ARMH3: variants seen among roughly 807,000 people sequenced by gnomAD.
ARMH3 encodes armadillo like helical domain containing 3.
A neutral mutation model predicts 99.1 loss-of-function variants in ARMH3; 60 were observed. The observed-to-expected ratio is 0.61, with a 90% CI of 0.49 to 0.75. The LOEUF (loss-of-function observed/expected upper bound fraction) is 0.75. ARMH3 is among the 30% of genes least tolerant of loss of function. The pLI is 0.00. For synonymous variants in ARMH3, 285 were observed against 292.8 expected, an observed-to-expected ratio of 0.97 and a Z score of 0.27; for missense variants, 679 against 843.1, an observed-to-expected ratio of 0.81 and a Z score of 2.41.
intron 22 of ARMH3, among the ~76,000 whole-genome samples, chr10:101,955,729 G>A (rs1325190262): frequency 2.0e-5 from 3 of 152,200 alleles, no homozygotes; most frequent in Non-Finnish European, 2.9e-5. Context: ...GTTGCCCAGG[G>A]ATGAGGCACA....
Position 101,871,997 on chromosome 10 carries a change from A to AAAAAAAAG in ARMH3, c.1860+17407_1860+17414dup, listed in dbSNP as rs1430130539. 1.2e-3 allele frequency among the ~76,000 whole-genome samples: 188 copies of AAAAAAAAG among 151,926 alleles called. 1 individual carries two copies. Among genetic ancestry groups the AAAAAAAAG allele is most frequent in the African/African-American group, 4.4e-3 (182 of 41,470 alleles). On this transcript the variant is annotated intron_variant, in intron 24 of 25. Transcript: ENST00000370033. ...CTTGGGCGACAGAGTAAGACTCTCA[A>AAAAAAAAG]AAAAAAAGAAAAAAAGAAAGTACAA...
intron 22 of ARMH3, among the ~76,000 whole-genome samples, chr10:101,942,122 G>T (rs1201781129): frequency 6.6e-6 from 1 of 152,026 alleles, no homozygotes; most frequent in Non-Finnish European, 1.5e-5. Flanking sequence ...TCTTTTCTAA[G>T]CTACCAAACT....
In ARMH3 at chr10:102,033,338, G is replaced by C; in HGVS notation, c.104C>G (p.Thr35Arg). The stretch of plus-strand genomic sequence containing the variant: ...AGGACTGCACTTACTGGGGTCCTCT[G>C]TCTGAAACCAGAATATAAGCACATT... ...VVLMYDEIFM[T>R]EDPSKCSPRF... Residue 35 changes from threonine to arginine, a missense_variant and splice_region_variant, in exon 3 of 26, where the codon ACA (threonine) becomes AGA (arginine). Transcript: ENST00000370033. The C allele has an allele frequency of 1.9e-6, 3 of 1,613,830 alleles. No individual in the cohort carries two copies. Among genetic ancestry groups the C allele is most frequent in the Non-Finnish European group, 2.5e-6 (3 of 1,179,954 alleles).
chr10:101,959,996 G>A (rs188088849), intron 20 of ARMH3, among the ~76,000 whole-genome samples: 407 of 152,288 alleles, frequency 2.7e-3, no homozygotes, highest in African/African-American at 9.1e-3. Flanking sequence ...TGGGCAACAC[G>A]GTGAAACCCT....
At chr10:102,006,895 A>C (rs1277810906) in intron 13 of ARMH3, among the ~76,000 whole-genome samples, 4 of 152,108 alleles carry the variant, frequency 2.6e-5, no homozygotes, top group African/African-American at 9.7e-5. Context: ...GGCTGGGCAC[A>C]GTGGATCACA....
intron 22 of ARMH3, among the ~76,000 whole-genome samples, chr10:101,946,827 C>A (rs552279995): frequency 5.3e-5 from 8 of 151,520 alleles, no homozygotes; most frequent in African/African-American, 1.7e-4. Flanking sequence ...ATAGGATGAA[C>A]TCAAAGAAAA....
chr10:101,990,676 G>GA (rs1475705993), intron 18 of ARMH3, 65 bp from the exon 19 acceptor site: 31 of 1,349,762 alleles, frequency 2.3e-5, no homozygotes, highest in Non-Finnish European at 3.2e-5. Context: ...CTTTGAGTTG[G>GA]AAAAAAAGCT....
At chr10:101,921,552 T>C (rs1843305829) in intron 23 of ARMH3, among the ~76,000 whole-genome samples, 1 of 152,162 alleles carries the variant, frequency 6.6e-6, no homozygotes, top group South Asian at 2.1e-4. Flanking sequence ...CTGCAGCTAT[T>C]CACAATAGCA....
chr10:101,918,147 G>A (rs757320143), intron 23 of ARMH3, among the ~76,000 whole-genome samples: 8 of 152,022 alleles, frequency 5.3e-5, no homozygotes, highest in Admixed American at 3.3e-4. Context: ...TGCACCTCCC[G>A]GCTTCAGGCG....
intron 18 of ARMH3, 96 bp downstream of exon 18, chr10:101,991,873 C>A: frequency 8.6e-7 from 1 of 1,157,852 alleles, no homozygotes. Context: ...AATTTATTTG[C>A]GGAAGAAGCA....
intron 5 of ARMH3, among the ~76,000 whole-genome samples, chr10:102,027,506 GGAA>G (rs141876778): frequency 1.4e-3 from 212 of 152,128 alleles, no homozygotes; most frequent in Non-Finnish European, 2.6e-3. Flanking sequence ...GAATGAATGA[GGAA>G]GAAGAGATGC....
Position 101,898,208 on chromosome 10 carries a change from C to T in ARMH3, c.1782-8718G>A, listed in dbSNP as rs549852229. Among the ~76,000 whole-genome samples the T allele has an allele frequency of 2.7e-5, 4 of 150,546 alleles. No individual in the cohort carries two copies. In the East Asian group the frequency reaches 7.8e-4, roughly 29 times the overall value. On this transcript the variant is annotated intron_variant, in intron 23 of 25. Transcript: ENST00000370033. ...AAAAATTTTTTTTTTTTAAAATTAG[C>T]TGGGCATGGTGACATGTGCCTGTTG...
intron 1 of ARMH3, among the ~76,000 whole-genome samples, chr10:102,054,945 G>A (rs1052116493): frequency 5.2e-4 from 79 of 150,686 alleles, no homozygotes; most frequent in African/African-American, 1.8e-3. Context: ...GCAGTGAGCC[G>A]AGATCACGCC....
intron 23 of ARMH3, among the ~76,000 whole-genome samples, chr10:101,896,104 G>A (rs2067826688): frequency 6.6e-6 from 1 of 152,130 alleles, no homozygotes; most frequent in Non-Finnish European, 1.5e-5. Context: ...GGTGGCGTGT[G>A]CCGGTAGTCC....
chr10:102,038,860 C>T (rs910333505), intron 2 of ARMH3, among the ~76,000 whole-genome samples: 10 of 151,944 alleles, frequency 6.6e-5, no homozygotes, highest in African/African-American at 1.9e-4. Flanking sequence ...CCACTTCAGC[C>T]TCCCAAGTAG....
chr10:101,995,303 A>G lies in ARMH3; in HGVS notation c.1203T>C (p.Ile401=). ...GAAGGCTCGTGAGACCTACCTCTGC[A>G]ATACATGTAAGGATAATCAGACAGA... ...GKLCLIILTC[I]AEDQYANAFL... Residue 401 remains isoleucine, a synonymous_variant, in exon 16 of 26, where the codon ATT becomes ATC. Coordinates refer to ENST00000370033, the MANE Select transcript of ARMH3 (RefSeq NM_024541.3). 1 of 1,613,700 alleles carries G rather than the reference A, an allele frequency of 6.2e-7. No homozygotes were observed. Among genetic ancestry groups the G allele is most frequent in the Non-Finnish European group, 8.5e-7 (1 of 1,179,658 alleles).
chr10:102,007,578 T>A (rs1398300463), intron 13 of ARMH3, among the ~76,000 whole-genome samples: 1 of 147,826 alleles, frequency 6.8e-6, no homozygotes, highest in East Asian at 2.0e-4. Flanking sequence ...CCAGCACTTT[T>A]GGGAGGCCGA....
intron 22 of ARMH3, among the ~76,000 whole-genome samples, chr10:101,955,203 G>C (rs1324692593): frequency 1.3e-5 from 2 of 152,152 alleles, no homozygotes; most frequent in Non-Finnish European, 2.9e-5. Flanking sequence ...AAAGAGATGG[G>C]TCTTGATGGG....
chr10:101,973,397 G>T (rs938520414), intron 20 of ARMH3, among the ~76,000 whole-genome samples: 4 of 150,930 alleles, frequency 2.7e-5, no homozygotes, highest in Non-Finnish European at 5.9e-5. Flanking sequence ...ATAATCGCTT[G>T]TTTAAGCAAA....
Sources: allele counts gnomAD v4.1 joint callset (sites outside exome capture counted in the v4.1 genomes callset), GRCh38; gene constraint gnomAD v4.1.1; transcripts MANE v1.5; gene names NCBI Gene and HGNC (gene_info 2026-07-23, HGNC 2026-07-21).